Variants in TCF20 observed in about 807,000 individuals in gnomAD.
TCF20 encodes the protein transcription factor 20, also known as SPRE-binding protein.
A neutral mutation model predicts 148.6 loss-of-function variants in TCF20; 3 were observed. The ratio of observed to expected loss-of-function variants is 0.02; its 90% CI spans 0.01 to 0.05. TCF20 has a LOEUF of 0.05. TCF20 is among the 10% of genes least tolerant of loss of function. TCF20 has a pLI of 1.00. For missense variants in TCF20, 2,350 were observed against 2,429.3 expected (o/e 0.97, Z 0.69); for synonymous variants, 1,049 against 909.5 (o/e 1.15, Z -2.76).
intron 1 of TCF20, among the ~76,000 whole-genome samples, chr22:42,325,925 C>T (rs991641494): frequency 2.0e-5 from 3 of 152,150 alleles, no homozygotes; most frequent in Non-Finnish European, 4.4e-5. Flanking sequence ...CTATTATTGC[C>T]GTCCTCAGGT....
chr22:42,231,370 G>C (rs896432647), intron 1 of TCF20, among the ~76,000 whole-genome samples: 13 of 152,050 alleles, frequency 8.5e-5, no homozygotes, highest in African/African-American at 3.1e-4. Flanking sequence ...TGTAGTCCTA[G>C]CTACTCAGGA....
At chr22:42,202,609 A>C (rs956647453) in intron 2 of TCF20, among the ~76,000 whole-genome samples, 1 of 152,210 alleles carries the variant, frequency 6.6e-6, no homozygotes, top group African/African-American at 2.4e-5. Flanking sequence ...TTCTCTTCTC[A>C]TACGTTTTTC....
Position 42,342,861 on chromosome 22 carries a change from C to T in TCF20, c.-37+618G>A, listed in dbSNP as rs533436825. 1.1e-3 allele frequency among the ~76,000 whole-genome samples: 164 copies of T among 152,260 alleles called. 2 individuals are homozygous for T. Among genetic ancestry groups the T allele is most frequent in the Admixed American group, 4.2e-3 (64 of 15,304 alleles). On this transcript the variant is annotated intron_variant, in intron 1 of 1. Coordinates refer to the TCF20 transcript ENST00000515426. Reference sequence around the variant, plus strand: ...GGCACCGTGGGGGTGTCTCCTTTTCCCTAGGCTGGACACCCAAGGCCAGGG... The same window carrying T: ...GGCACCGTGGGGGTGTCTCCTTTTCTCTAGGCTGGACACCCAAGGCCAGGG...
At chr22:42,333,594 G>A (rs751290495) in intron 1 of TCF20, among the ~76,000 whole-genome samples, 32 of 152,222 alleles carry the variant, frequency 2.1e-4, no homozygotes, top group Non-Finnish European at 3.8e-4. Context: ...GAGGCAAAGG[G>A]GTAAAGGTGT....
chr22:42,315,412 G>A (rs1262724419), intron 1 of TCF20, among the ~76,000 whole-genome samples: 2 of 152,198 alleles, frequency 1.3e-5, no homozygotes, highest in African/African-American at 2.4e-5. Flanking sequence ...TGAAGCTGGG[G>A]TATCCAGGCC....
At chr22:42,259,503 C>T (rs1925919916) in intron 1 of TCF20, among the ~76,000 whole-genome samples, 1 of 152,236 alleles carries the variant, frequency 6.6e-6, no homozygotes, top group South Asian at 2.1e-4. Flanking sequence ...TCCTAAATGG[C>T]AGATCTGTGC....
chr22:42,251,924 C>G (rs1925403112), intron 1 of TCF20, among the ~76,000 whole-genome samples: 1 of 151,878 alleles, frequency 6.6e-6, no homozygotes, highest in Non-Finnish European at 1.5e-5. Context: ...GTCTTTTAGG[C>G]CAGGCGCAGT....
intron 3 of TCF20, among the ~76,000 whole-genome samples, chr22:42,174,732 T>C (rs1237086670): frequency 6.6e-6 from 1 of 151,976 alleles, no homozygotes; most frequent in African/African-American, 2.4e-5. Context: ...TTTTTTTTTT[T>C]TCACTTAAAA....
At chr22:42,261,814 G>A (rs897765549) in intron 1 of TCF20, among the ~76,000 whole-genome samples, 19 of 152,250 alleles carry the variant, frequency 1.2e-4, no homozygotes, top group Admixed American at 7.9e-4. Context: ...CAACATGGTG[G>A]AACCTGTCTC....
At chr22:42,310,207 A>C (rs1488564927) in intron 1 of TCF20, among the ~76,000 whole-genome samples, 1 of 152,206 alleles carries the variant, frequency 6.6e-6, no homozygotes, top group Non-Finnish European at 1.5e-5. Context: ...AGGAGTTTAC[A>C]TTTCATCCCA....
chr22:42,173,309 T>A (rs1318844192), intron 3 of TCF20, among the ~76,000 whole-genome samples: 2 of 150,378 alleles, frequency 1.3e-5, no homozygotes, highest in East Asian at 1.9e-4. Context: ...AGCCAAATCC[T>A]GTGCCTATGA....
intron 1 of TCF20, among the ~76,000 whole-genome samples, chr22:42,231,403 G>A (rs1246973342): frequency 1.3e-5 from 2 of 152,108 alleles, no homozygotes; most frequent in Non-Finnish European, 2.9e-5. Flanking sequence ...GGTTGCTTGA[G>A]CCCAGGAGTT....
chr22:42,191,767 C>A (rs1165766522), intron 2 of TCF20, among the ~76,000 whole-genome samples: 1 of 152,150 alleles, frequency 6.6e-6, no homozygotes. Context: ...AAAGGAAGGG[C>A]ACAGAGTGCT....
At chr22:42,182,872 G>T (rs1569113902) in intron 2 of TCF20, among the ~76,000 whole-genome samples, 1 of 152,314 alleles carries the variant, frequency 6.6e-6, no homozygotes, top group East Asian at 1.9e-4. Context: ...AAGTAGCTAG[G>T]ATTACAGGCA....
At chr22:42,339,613 C>T (rs1467718062) in intron 1 of TCF20, among the ~76,000 whole-genome samples, 2 of 152,250 alleles carry the variant, frequency 1.3e-5, no homozygotes, top group Non-Finnish European at 2.9e-5. Context: ...ACAATTACTA[C>T]TGCGGGATTC....
chr22:42,248,865 A>G (rs944382025), intron 1 of TCF20, among the ~76,000 whole-genome samples: 7 of 152,224 alleles, frequency 4.6e-5, no homozygotes, highest in African/African-American at 1.7e-4. Flanking sequence ...ATGGGTACCA[A>G]GTTGCCGAGG....
At chr22:42,177,457 C>T (rs974255764) in intron 3 of TCF20, among the ~76,000 whole-genome samples, 1 of 152,006 alleles carries the variant, frequency 6.6e-6, no homozygotes, top group South Asian at 2.1e-4. Context: ...AAATTAACAC[C>T]CACCTTGCCG....
intron 2 of TCF20, among the ~76,000 whole-genome samples, chr22:42,204,478 G>C (rs1416938373): frequency 2.6e-5 from 4 of 151,652 alleles, no homozygotes; most frequent in Admixed American, 2.6e-4. Context: ...CTGGACAACA[G>C]AGTGAGACCC....
At chr22:42,220,433 A>G (rs1922250750) in intron 1 of TCF20, among the ~76,000 whole-genome samples, 1 of 152,212 alleles carries the variant, frequency 6.6e-6, no homozygotes, top group Non-Finnish European at 1.5e-5. Flanking sequence ...CCTGGGCTCA[A>G]GCCATCCTGC....
Sources: gnomAD v4.1 joint callset for allele counts (sites outside exome capture counted in the v4.1 genomes callset) on GRCh38, gnomAD v4.1.1 for gene constraint, MANE v1.5 for transcripts, NCBI Gene and HGNC (gene_info 2026-07-23, HGNC 2026-07-21) for gene names.